The following TLE4 variants were observed in gnomAD, a reference collection of about 807,000 sequenced individuals.
The protein encoded by TLE4 is TLE family member 4, transcriptional corepressor, also known as transducin-like enhancer protein 4.
A neutral mutation model predicts 92.8 loss-of-function variants in TLE4; 8 were observed. The ratio of observed to expected loss-of-function variants is 0.09; its 90% confidence interval spans 0.05 to 0.16. The LOEUF (loss-of-function observed/expected upper bound fraction) is 0.16, where lower values mean the gene tolerates loss of function less well. Ranked by LOEUF, TLE4 falls within the 10% of genes least tolerant of loss-of-function variation. The pLI, the probability that TLE4 is intolerant of heterozygous loss-of-function variation, is 1.00. For synonymous variants in TLE4, 371 were observed against 374.1 expected, an observed-to-expected ratio of 0.99 and a Z score of 0.10; for missense variants, 675 against 997.6, an observed-to-expected ratio of 0.68 and a Z score of 4.36.
chr9:79,684,466 GT>G (rs2065376708), intron 8 of TLE4, among the ~76,000 whole-genome samples: 1 of 39,160 alleles, frequency 2.6e-5, no homozygotes, highest in South Asian at 2.2e-3. Flanking sequence ...ATTGTGAACT[GT>G]GCAATGCAGG....
intron 6 of TLE4, among the ~76,000 whole-genome samples, chr9:79,644,869 C>A (rs752370892): frequency 6.6e-6 from 1 of 152,160 alleles, no homozygotes; most frequent in Non-Finnish European, 1.5e-5. Context: ...GCGAGCAGCT[C>A]ACAGCTTGGC....
chr9:79,627,504 C>A, intron 6 of TLE4, 56 bp downstream of exon 6: 1 of 1,548,630 alleles, frequency 6.5e-7, no homozygotes, highest in Non-Finnish European at 8.9e-7. Context: ...AGCTCTCTCG[C>A]TCTCTCTTTT....
intron 6 of TLE4, among the ~76,000 whole-genome samples, chr9:79,635,019 C>T (rs925195701): frequency 1.3e-5 from 2 of 152,070 alleles, no homozygotes; most frequent in Admixed American, 6.6e-5. Flanking sequence ...GGTAAATGCA[C>T]GTTAAACTTT....
At chr9:79,720,625 A>G (rs919317965) in intron 16 of TLE4, among the ~76,000 whole-genome samples, 14 of 152,266 alleles carry the variant, frequency 9.2e-5, no homozygotes, top group Admixed American at 9.2e-4. Flanking sequence ...TAATTAATGT[A>G]CATAAAGTTT....
chr9:79,712,461 T>TAA (rs1565137459), intron 14 of TLE4, among the ~76,000 whole-genome samples: 1 of 152,190 alleles, frequency 6.6e-6, no homozygotes, highest in Non-Finnish European at 1.5e-5. Context: ...AGACAAAACT[T>TAA]TTTTAAGTGT....
chr9:79,593,272 A>C (rs1228908693), intron 4 of TLE4, among the ~76,000 whole-genome samples: 1 of 152,136 alleles, frequency 6.6e-6, no homozygotes, highest in Non-Finnish European at 1.5e-5. Flanking sequence ...TGTCAGAAAC[A>C]TACGTTGCTT....
intron 4 of TLE4, among the ~76,000 whole-genome samples, chr9:79,592,519 G>A (rs2042966078): frequency 6.6e-6 from 1 of 151,902 alleles, no homozygotes; most frequent in African/African-American, 2.4e-5. Context: ...CAAGCCACAC[G>A]CCCACCTCAT....
At chr9:79,653,383 GT>G (rs1202420182) in intron 7 of TLE4, among the ~76,000 whole-genome samples, 5 of 152,154 alleles carry the variant, frequency 3.3e-5, no homozygotes, top group Admixed American at 3.3e-4. Context: ...CAACATAATT[GT>G]TTATGCAATT....
intron 6 of TLE4, among the ~76,000 whole-genome samples, chr9:79,628,048 G>A (rs999495114): frequency 1.3e-5 from 2 of 151,892 alleles, no homozygotes; most frequent in Middle Eastern, 3.2e-3. Flanking sequence ...TCATGGATTT[G>A]GGCAGTCACT....
intron 6 of TLE4, among the ~76,000 whole-genome samples, chr9:79,630,287 T>C (rs1201644646): frequency 2.0e-5 from 3 of 152,200 alleles, no homozygotes; most frequent in Non-Finnish European, 4.4e-5. Flanking sequence ...TCCCGTAATC[T>C]GGAGAGGCGG....
At chr9:79,582,817 T>A (rs2040042537) in intron 4 of TLE4, among the ~76,000 whole-genome samples, 2 of 152,058 alleles carry the variant, frequency 1.3e-5, no homozygotes, top group Admixed American at 1.3e-4. Flanking sequence ...GCAATGGTGG[T>A]AGGTTCAGTG....
chr9:79,581,541 A>G (rs766395881), intron 4 of TLE4, among the ~76,000 whole-genome samples: 1 of 152,214 alleles, frequency 6.6e-6, no homozygotes, highest in African/African-American at 2.4e-5. Flanking sequence ...GTAAACATTT[A>G]TTATATATCT....
chr9:79,718,673 G>T, intron 14 of TLE4, 49 bp from the exon 15 acceptor site: 1 of 1,570,138 alleles, frequency 6.4e-7, no homozygotes, highest in South Asian at 1.2e-5. Context: ...ACAGTTAAGT[G>T]ACATTTTTTT....
intron 8 of TLE4, among the ~76,000 whole-genome samples, chr9:79,704,152 C>G (rs577454038): frequency 2.0e-4 from 31 of 152,182 alleles, no homozygotes; most frequent in Non-Finnish European, 4.1e-4. Context: ...TTCACTCTGT[C>G]GCCCAGGCTG....
At chr9:79,669,419 AT>A (rs2061906656) in intron 8 of TLE4, among the ~76,000 whole-genome samples, 1 of 152,224 alleles carries the variant, frequency 6.6e-6, no homozygotes, top group South Asian at 2.1e-4. Flanking sequence ...CAGAAACTGT[AT>A]TTAGGCAATT....
intron 8 of TLE4, among the ~76,000 whole-genome samples, chr9:79,688,655 C>T (rs2066403725): frequency 6.6e-6 from 1 of 151,480 alleles, no homozygotes. Flanking sequence ...TATTCTTCCC[C>T]ACTAATTAAC....
intron 5 of TLE4, among the ~76,000 whole-genome samples, chr9:79,620,269 A>G (rs1245045591): frequency 6.6e-6 from 1 of 152,242 alleles, no homozygotes; most frequent in Non-Finnish European, 1.5e-5. Flanking sequence ...GTTGAATAAA[A>G]TTAAAAGTTC....
intron 4 of TLE4, among the ~76,000 whole-genome samples, chr9:79,602,207 G>A (rs1159627483): frequency 6.6e-6 from 1 of 152,234 alleles, no homozygotes; most frequent in South Asian, 2.1e-4. Context: ...AAGTGAAGCG[G>A]CAAGTACTGA....
At chr9:79,665,329 T>C (rs114905484) in intron 8 of TLE4, among the ~76,000 whole-genome samples, 1,575 of 152,276 alleles carry the variant, frequency 0.01, 32 homozygotes, top group African/African-American at 0.036. Context: ...CTGTACTGCA[T>C]TGGGGGTGCA....
Sources: allele counts gnomAD v4.1 joint callset (sites outside exome capture counted in the v4.1 genomes callset), GRCh38; gene constraint gnomAD v4.1.1; transcripts MANE v1.5; gene names NCBI Gene and HGNC (gene_info 2026-07-23, HGNC 2026-07-21).